The following CDC25C variants were observed in gnomAD, a reference collection of about 807,000 sequenced individuals.
CDC25C encodes the protein cell division cycle 25C.
CDC25C carries 48 observed loss-of-function variants against 52.5 expected under a neutral mutation model. The observed-to-expected ratio is 0.91, with a 90% confidence interval of 0.72 to 1.16. CDC25C has a LOEUF of 1.16. CDC25C is among the 50% of genes most tolerant of loss of function. The pLI is 0.00. For synonymous variants in CDC25C, 187 were observed against 206.5 expected (o/e 0.91, Z 0.81); for missense variants, 510 against 566.1 (o/e 0.90, Z 1.01).
intron 7 of CDC25C, among the ~76,000 whole-genome samples, chr5:138,300,362 A>G (rs1192749086): frequency 6.6e-6 from 1 of 152,146 alleles, no homozygotes; most frequent in African/African-American, 2.4e-5. Flanking sequence ...TCAGGAGTCT[A>G]AGACCAGCCT....
chr5:138,318,730 C>CA (rs960108027), intron 7 of CDC25C, among the ~76,000 whole-genome samples: 32 of 151,892 alleles, frequency 2.1e-4, no homozygotes, highest in Middle Eastern at 3.4e-3. Flanking sequence ...AAACAAACAA[C>CA]AAAAAAAAGA....
At chr5:138,306,158 T>C (rs1309298870) in intron 7 of CDC25C, among the ~76,000 whole-genome samples, 1 of 152,158 alleles carries the variant, frequency 6.6e-6, no homozygotes, top group Non-Finnish European at 1.5e-5. Context: ...AGTTCCTCAG[T>C]ACCCTCCAGA....
chr5:138,328,560 G>GAGT, intron 3 of CDC25C, 31 bp from the exon 4 acceptor site: 2 of 1,584,930 alleles, frequency 1.3e-6, no homozygotes, highest in Middle Eastern at 1.7e-4. Flanking sequence ...TCAGTAAAAG[G>GAGT]AGTTATTCTT....
intron 7 of CDC25C, among the ~76,000 whole-genome samples, chr5:138,306,597 T>A (rs1758018138): frequency 6.6e-6 from 1 of 151,944 alleles, no homozygotes; most frequent in African/African-American, 2.4e-5. Context: ...TGCCTCAGCC[T>A]CCCAAGTAGC....
intron 4 of CDC25C, 105 bp downstream of exon 4, chr5:138,328,379 C>T: frequency 1.0e-6 from 1 of 984,534 alleles, no homozygotes. Context: ...CCCACTTATA[C>T]CCAGTATGAA....
upstream of CDC25C, chr5:138,331,901 C>G (rs1189240373): frequency 2.0e-6 from 2 of 985,534 alleles, no homozygotes; most frequent in Non-Finnish European, 1.2e-6. Flanking sequence ...TCCGCGCGCG[C>G]GCCCAGGGCC....
chr5:138,319,553 C>T (rs10080108), intron 6 of CDC25C, among the ~76,000 whole-genome samples, 179 bp from the exon 7 acceptor site: 45,755 of 152,006 alleles, frequency 0.3, 7,718 homozygotes, highest in South Asian at 0.45. Context: ...AATTGGTCTT[C>T]ATCAAAATGG....
chr5:138,305,552 C>A (rs1305266287), intron 7 of CDC25C, among the ~76,000 whole-genome samples: 2 of 152,300 alleles, frequency 1.3e-5, no homozygotes, highest in East Asian at 3.9e-4. Flanking sequence ...CAGGGGCACA[C>A]CACCATGCCT....
chr5:138,300,575 T>C (rs527638961), intron 7 of CDC25C, among the ~76,000 whole-genome samples: 2 of 151,260 alleles, frequency 1.3e-5, no homozygotes, highest in South Asian at 2.1e-4. Flanking sequence ...AAAAAAAAAA[T>C]TGATAGATTA....
At chr5:138,301,006 A>C (rs1757590378) in intron 7 of CDC25C, among the ~76,000 whole-genome samples, 1 of 152,216 alleles carries the variant, frequency 6.6e-6, no homozygotes, top group African/African-American at 2.4e-5. Flanking sequence ...ATGCAGCTAA[A>C]GTACTAAATA....
intron 7 of CDC25C, among the ~76,000 whole-genome samples, chr5:138,318,002 T>C (rs1759035788): frequency 6.6e-6 from 1 of 152,198 alleles, no homozygotes; most frequent in Non-Finnish European, 1.5e-5. Flanking sequence ...TGTAGTGACC[T>C]GATAACCTAT....
chr5:138,324,788 A>G (rs572701768), intron 6 of CDC25C, among the ~76,000 whole-genome samples: 1 of 151,786 alleles, frequency 6.6e-6, no homozygotes, highest in Non-Finnish European at 1.5e-5. Context: ...AAGTGATTAT[A>G]GGCCAGGCAG....
At chr5:138,323,677 A>T (rs189148944) in intron 6 of CDC25C, among the ~76,000 whole-genome samples, 298 of 152,044 alleles carry the variant, frequency 2.0e-3, no homozygotes, top group Non-Finnish European at 1.9e-3. Context: ...ATTCCATGAG[A>T]AGTCCAGGTA....
At chr5:138,321,092 A>G (rs1759345470) in intron 6 of CDC25C, among the ~76,000 whole-genome samples, 1 of 152,002 alleles carries the variant, frequency 6.6e-6, no homozygotes, top group South Asian at 2.1e-4. Flanking sequence ...GAGACCTCAC[A>G]CACACACATG....
Position 138,326,133 on chromosome 5 carries a change from A to G in CDC25C, c.336-79T>C, listed in dbSNP as rs537853291. ...TTCTTCAGTGGATTGGTGCATCCCA[A>G]CATTTTTCTATTTCATTCTAGGAGC... On this transcript the variant is annotated intron_variant, in intron 4 of 13. Coordinates refer to ENST00000323760, the MANE Select transcript of CDC25C (RefSeq NM_001790.5). 43 of 1,443,810 alleles carry G rather than the reference A, an allele frequency of 3.0e-5. No individual in the cohort carries two copies. The East Asian group carries it at 7.7e-4, about 26-fold the overall frequency. 89.4% of individuals were successfully genotyped at this position (1,443,810 alleles called of 1,614,324 possible). A position where few individuals can be genotyped will look rare whatever the true frequency, so the allele number is the denominator to read the frequency against.
chr5:138,338,209 G>A (rs776966094), exon 1 of CDC25C: 417 of 1,276,398 alleles, frequency 3.3e-4, no homozygotes, highest in Non-Finnish European at 1.1e-4. Context: ...TCTCCTCAGG[G>A]ACTCGTTGGT....
intron 9 of CDC25C, among the ~76,000 whole-genome samples, chr5:138,290,000 G>A (rs549191042): frequency 1.7e-4 from 26 of 152,140 alleles, no homozygotes; most frequent in Admixed American, 8.5e-4. Context: ...CCAGGAGCTC[G>A]AGGCTGAAGT....
chr5:138,315,613 A>G (rs1758815734), intron 7 of CDC25C, among the ~76,000 whole-genome samples: 2 of 152,222 alleles, frequency 1.3e-5, no homozygotes, highest in African/African-American at 4.8e-5. Flanking sequence ...TGTGTATGTG[A>G]TGAGGACATA....
chr5:138,318,850 T>C (rs1335343236), intron 7 of CDC25C, among the ~76,000 whole-genome samples: 10 of 152,220 alleles, frequency 6.6e-5, no homozygotes, highest in Non-Finnish European at 8.8e-5. Flanking sequence ...GAAAGCCTAA[T>C]TTAGAAGTAT....
Sources: gnomAD v4.1 joint callset for allele counts (sites outside exome capture counted in the v4.1 genomes callset) on GRCh38, gnomAD v4.1.1 for gene constraint, MANE v1.5 for transcripts, NCBI Gene and HGNC (gene_info 2026-07-23, HGNC 2026-07-21) for gene names.